Variants in CELSR1 observed in about 807,000 individuals in gnomAD.
CELSR1 encodes adhesion G protein-coupled receptor C1.
In CELSR1, 110 loss-of-function variants were observed where a neutral mutation model predicts 249.1. The observed-to-expected ratio is 0.44, with a 90% CI of 0.38 to 0.52. The LOEUF is 0.52. Ranked by LOEUF, CELSR1 falls within the 20% of genes least tolerant of loss-of-function variation. CELSR1 has a pLI of 0.00. For missense variants in CELSR1, 4,109 were observed against 4,296.4 expected (o/e 0.96, Z 1.22); for synonymous variants, 2,113 against 1,900.0 (o/e 1.11, Z -2.92).
Position 46,386,727 on chromosome 22 carries a change from T to C in CELSR1, c.6556-142A>G. 3 of 635,822 alleles carry C rather than the reference T, an allele frequency of 4.7e-6. No individual in the cohort carries two copies. The South Asian group carries it at 8.3e-5, about 18-fold the overall frequency. 39.4% of individuals were successfully genotyped at this position (635,822 alleles called of 1,614,324 possible). ...CTACACTTTAGACTGTGCTCTTTAA[T>C]ATTAGTTGTTTTTTGTTTTTTGTTG... On this transcript the variant is annotated intron_variant, in intron 18 of 34. Coordinates refer to ENST00000674500, the MANE Select transcript of CELSR1 (RefSeq NM_001378328.1).
chr22:46,428,217 CCG>C lies in CELSR1; in HGVS notation c.4611+5174_4611+5175del, dbSNP rs1427282616. Among the ~76,000 whole-genome samples the C allele has an allele frequency of 6.6e-6, 1 of 152,170 alleles. No homozygotes were observed. The highest frequency in any genetic ancestry group is 1.5e-5 in the Non-Finnish European group (1 of 68,038). On this transcript the variant is annotated intron_variant, in intron 5 of 34. Coordinates refer to ENST00000674500, the MANE Select transcript of CELSR1 (RefSeq NM_001378328.1). The surrounding 1 kb of genome is among the most constrained non-coding windows in gnomAD (Gnocchi z 5.7). ...TTTCCGCAGCATGCCAAAGACAGCC[CCG>C]CGCCATCTCAGAATCACCAGAACCA...
At chr22:46,369,908 C>G in intron 25 of CELSR1, 104 bp from the exon 26 acceptor site, 1 of 947,078 alleles carries the variant, frequency 1.1e-6, no homozygotes, top group Non-Finnish European at 1.7e-6. Flanking sequence ...CTCAGCATCT[C>G]CCTTCTCAGA....
At position 46,409,979 on chromosome 22, in the gene CELSR1, G is replaced by T. The variant is rs1335936050; in HGVS notation, c.4934-99C>A. ...GGGAAACCAGGACGGAATGGACCCG[G>T]GGCTGGACAGAAGTCAGACCAGGTC... On this transcript the variant is annotated intron_variant, in intron 7 of 34. Coordinates refer to ENST00000674500, the MANE Select transcript of CELSR1 (RefSeq NM_001378328.1). This position sits in a 1 kb window ranked among gnomAD's most constrained non-coding sequence, Gnocchi z 9.8. The T allele has an allele frequency of 1.1e-5, 16 of 1,518,984 alleles. No homozygotes were observed. In the East Asian group the frequency reaches 3.6e-4, roughly 34 times the overall value. 94.1% of individuals were successfully genotyped at this position (1,518,984 alleles called of 1,614,324 possible).
intron 1 of CELSR1, among the ~76,000 whole-genome samples, chr22:46,524,208 T>G (rs9615377): frequency 1.3e-5 from 2 of 152,064 alleles, no homozygotes; most frequent in Non-Finnish European, 2.9e-5. Flanking sequence ...ATGGGGATCC[T>G]GTAAGATTTC....
intron 2 of CELSR1, among the ~76,000 whole-genome samples, chr22:46,452,754 AG>A (rs2079900959): frequency 6.6e-6 from 1 of 152,072 alleles, no homozygotes; most frequent in Non-Finnish European, 1.5e-5. Context: ...TCCTACCTAG[AG>A]GGGACAGGGC....
chr22:46,371,294 C>A (rs2078848641), intron 25 of CELSR1, among the ~76,000 whole-genome samples: 1 of 52,872 alleles, frequency 1.9e-5, no homozygotes, highest in African/African-American at 8.6e-5. Context: ...CAGCAAGTGA[C>A]CATGGCACTG....
rs753898124 is a variant in CELSR1 at position 46,536,221 on chromosome 22, T to G, written c.950A>C (p.Glu317Ala). 7 of 1,612,526 alleles carry G rather than the reference T, an allele frequency of 4.3e-6. No individual in the cohort carries two copies. The highest frequency in any genetic ancestry group is 5.9e-6 in the Non-Finnish European group (7 of 1,179,944). Reference protein sequence around the residue: ...TDSVLDRETKETHVLRVKAVD... With the variant: ...TDSVLDRETKATHVLRVKAVD... The stretch of plus-strand genomic sequence containing the variant: ...GGCTTTCACCCTGAGGACGTGCGTC[T>G]CCTTGGTCTCGCGGTCCAGTACGCT... Residue 317 changes from glutamate to alanine, a missense_variant, in exon 1 of 35, where the codon GAG becomes GCG. By Grantham distance (107) the Glu-to-Ala change is moderately radical. Transcript: ENST00000674500.
rs1036150037 is a variant in CELSR1, at chr22:46,411,665, C to T, written c.4706G>A (p.Arg1569His). 7.4e-6 allele frequency: 12 copies of T among 1,614,116 alleles called. No homozygotes were observed. Among genetic ancestry groups the T allele is most frequent in the South Asian group, 1.1e-5 (1 of 91,092 alleles). The change falls in exon 6 of 35, where the codon CGC becomes CAC. Residue 1569 changes from arginine to histidine, a missense_variant. Coordinates refer to ENST00000674500, the MANE Select transcript of CELSR1 (RefSeq NM_001378328.1). The surrounding 1 kb of genome is among the most constrained non-coding windows in gnomAD (Gnocchi z 4.2). ...VDDCDTTMAV[R>H]FGKDIGNYSC... is the part of the protein sequence containing the mutation. The stretch of plus-strand genomic sequence containing the variant: ...GTAGTTCCCGATGTCCTTTCCAAAG[C>T]GCACAGCCATGGTTGTGTCACAATC...
At chr22:46,373,918 GCTTAAGGC>G (rs2078889169) in intron 24 of CELSR1, among the ~76,000 whole-genome samples, 1 of 152,148 alleles carries the variant, frequency 6.6e-6, no homozygotes, top group Admixed American at 6.5e-5. Context: ...TCAACCCCAG[GCTTAAGGC>G]CACTTTGCTC....
At chr22:46,421,771 T>TG (rs1602112798) in intron 5 of CELSR1, among the ~76,000 whole-genome samples, 2 of 152,308 alleles carry the variant, frequency 1.3e-5, no homozygotes, top group East Asian at 3.9e-4. Context: ...CACCAACTGA[T>TG]GGGAGCACGT....
intron 24 of CELSR1, among the ~76,000 whole-genome samples, chr22:46,376,825 A>C (rs959009843): frequency 2.6e-5 from 4 of 151,768 alleles, no homozygotes; most frequent in Non-Finnish European, 4.4e-5. Flanking sequence ...AAAAGAAAGA[A>C]AGAAAGAAAG....
Position 46,363,422 on chromosome 22 carries a change from G to A in CELSR1, c.9036-175C>T. 1 of 587,408 alleles carries A rather than the reference G, an allele frequency of 1.7e-6. No homozygotes were observed. The highest frequency in any genetic ancestry group is 3.0e-6 in the Non-Finnish European group (1 of 329,132). The allele number at this position is 587,408 out of a possible 1,614,324, so 36.4% of individuals were successfully genotyped here. On this transcript the variant is annotated intron_variant, in intron 34 of 34. Coordinates refer to ENST00000674500, the MANE Select transcript of CELSR1 (RefSeq NM_001378328.1). This position sits in a 1 kb window ranked among gnomAD's most constrained non-coding sequence, Gnocchi z 4.3. ...ATGAGGCTGCCCTTGGGAGGCAGGA[G>A]AGGGGACCAGGACCAGCCTGTGGGC...
Position 46,394,223 on chromosome 22 carries a change from G to A in CELSR1, c.5883C>T (p.Pro1961=), listed in dbSNP as rs759123862. 3.1e-5 allele frequency: 50 copies of A among 1,613,742 alleles called. No individual in the cohort carries two copies. Among genetic ancestry groups the A allele is most frequent in the East Asian group, 8.9e-5 (4 of 44,892 alleles). The change falls in exon 14 of 35, where the codon CCC becomes CCT. Residue 1961 remains proline (P), a synonymous_variant. Coordinates refer to ENST00000674500, the MANE Select transcript of CELSR1 (RefSeq NM_001378328.1). ...CGGCACAGTGGCAGGGTCCACAGAC[G>A]GGGTTCCCCCACCAGCCTCTGGGGC... ...LPCPRGWWGN[P]VCGPCHCAVS...
intron 2 of CELSR1, among the ~76,000 whole-genome samples, chr22:46,460,499 C>G (rs1195565297): frequency 1.3e-5 from 2 of 152,214 alleles, no homozygotes; most frequent in Non-Finnish European, 2.9e-5. Flanking sequence ...GGAGACGGAA[C>G]AGGGCCCTGT....
Position 46,454,137 on chromosome 22 carries a change from C to T in CELSR1, c.4183+9570G>A, listed in dbSNP as rs976197906. 6.6e-6 allele frequency among the ~76,000 whole-genome samples: 1 copy of T among 151,994 alleles called. No individual in the cohort carries two copies. Among genetic ancestry groups the T allele is most frequent in the Admixed American group, 6.6e-5 (1 of 15,262 alleles). On this transcript the variant is annotated intron_variant, in intron 2 of 34. Transcript: ENST00000674500. The surrounding 1 kb of genome is among the most constrained non-coding windows in gnomAD (Gnocchi z 5.1). ...AGGTGCTAGTGGTGGAAGCAGGGGT[C>T]GGAGTGAGGTGAGGAAGGTGCCAGG...
Position 46,535,143 on chromosome 22 carries a change from C to G in CELSR1, c.2028G>C (p.Thr676=). ...PMSSSTSVSI[T]VLDVNDNDPV... ...GGTCGTTGTCATTCACGTCCAGCAC[C>G]GTGATGGACACGCTGGTGGAGGAGC... is the stretch of plus-strand genomic sequence containing the variant. Residue 676 remains threonine, a synonymous_variant, in exon 1 of 35, where the codon ACG becomes ACC. Transcript: ENST00000674500. 6.2e-7 allele frequency: 1 copy of G among 1,610,436 alleles called. No individual in the cohort carries two copies. Among genetic ancestry groups the G allele is most frequent in the Non-Finnish European group, 8.5e-7 (1 of 1,179,642 alleles).
In CELSR1 at chr22:46,410,449, C is replaced by A. The variant is rs118157655; in HGVS notation, c.4882G>T (p.Gly1628Cys). ...AATCCGGCCATGTCCACATTTTTGC[C>A]GTCGACTGACAGGTTCCGCATGCAG... The part of the protein sequence containing the change: ...VGCMRNLSVD[G>C]KNVDMAGFIA... Residue 1628 changes from glycine (G) to cysteine (C), a missense_variant, in exon 7 of 35, where the codon GGC becomes TGC. Gly to Cys is a radical substitution (Grantham distance 159, BLOSUM62 -3). Transcript: ENST00000674500. The surrounding 1 kb of genome is among the most constrained non-coding windows in gnomAD (Gnocchi z 6.8). 6.2e-7 allele frequency: 1 copy of A among 1,614,058 alleles called. No individual in the cohort carries two copies. The highest frequency in any genetic ancestry group is 1.6e-4 in the Middle Eastern group (1 of 6,062).
At chr22:46,476,853 G>C (rs1457871148) in intron 1 of CELSR1, among the ~76,000 whole-genome samples, 1 of 86,556 alleles carries the variant, frequency 1.2e-5, no homozygotes, top group Non-Finnish European at 2.8e-5. Flanking sequence ...TGCACAGAAG[G>C]AGAGGTTGCA....
At chr22:46,524,549 T>G (rs1028821834) in intron 1 of CELSR1, among the ~76,000 whole-genome samples, 1 of 121,472 alleles carries the variant, frequency 8.2e-6, no homozygotes, top group African/African-American at 2.7e-5. Flanking sequence ...TGCGTGTGTG[T>G]GTGTGTGTGT....
Sources: gnomAD v4.1 joint callset for allele counts (sites outside exome capture counted in the v4.1 genomes callset) on GRCh38, gnomAD v4.1.1 for gene constraint, Gnocchi (gnomAD v3.1) non-coding constraint, MANE v1.5 for transcripts, NCBI Gene and HGNC (gene_info 2026-07-23, HGNC 2026-07-21) for gene names.